Variants in SYNGR1 observed in about 807,000 individuals in gnomAD.
SYNGR1 encodes synaptogyrin-1.
SYNGR1 carries 14 observed loss-of-function variants against 26.1 expected under a neutral mutation model. The ratio of observed to expected loss-of-function variants is 0.54; its 90% CI spans 0.35 to 0.84. The LOEUF (loss-of-function observed/expected upper bound fraction) is 0.84, where lower values mean the gene tolerates loss of function less well. Ranked by LOEUF, SYNGR1 falls within the 40% of genes least tolerant of loss-of-function variation. The pLI, the probability that SYNGR1 is intolerant of heterozygous loss-of-function variation, is 0.01. For missense variants in SYNGR1, 319 were observed against 332.9 expected, an observed-to-expected ratio of 0.96 and a Z score of 0.33; for synonymous variants, 141 against 150.1, an observed-to-expected ratio of 0.94 and a Z score of 0.44.
intron 1 of SYNGR1, among the ~76,000 whole-genome samples, chr22:39,360,373 G>C (rs1924414224): frequency 1.3e-5 from 2 of 152,132 alleles, no homozygotes; most frequent in Non-Finnish European, 2.9e-5. Context: ...ACCGTCTCCA[G>C]GGTTTCTTCT....
intron 1 of SYNGR1, chr22:39,364,275 G>C (rs779646356): frequency 1.9e-6 from 3 of 1,614,042 alleles, no homozygotes; most frequent in African/African-American, 2.7e-5. Flanking sequence ...GGGTGAGCTG[G>C]AGGAGCAGGC....
chr22:39,384,973 G>A lies in SYNGR1; in HGVS notation c.*3059G>A, dbSNP rs1971380012. 1 of 398,744 alleles carries A rather than the reference G, an allele frequency of 2.5e-6. No homozygotes were observed. The highest frequency in any genetic ancestry group is 4.4e-6 in the Non-Finnish European group (1 of 226,144). 24.7% of individuals were successfully genotyped at this position (398,744 alleles called of 1,614,324 possible). A position where few individuals can be genotyped will look rare whatever the true frequency, so the allele number is the denominator to read the frequency against. ...GCACGGCTCCTATCCACCTGGGGGT[G>A]TCGCAGTTGAGGGGCTAATTCCCAG... is the stretch of plus-strand genomic sequence containing the variant. On this transcript the variant is annotated 3_prime_UTR_variant, in exon 4 of 4. Coordinates refer to ENST00000328933, the MANE Select transcript of SYNGR1 (RefSeq NM_004711.5).
chr22:39,360,561 A>G (rs1277588485), intron 1 of SYNGR1, among the ~76,000 whole-genome samples: 1 of 152,032 alleles, frequency 6.6e-6, no homozygotes, highest in Non-Finnish European at 1.5e-5. Flanking sequence ...ACGGCTGCAG[A>G]ATGTGGACGC....
At chr22:39,377,287 G>C (rs1055595113) in intron 3 of SYNGR1, 36 of 985,438 alleles carry the variant, frequency 3.7e-5, no homozygotes, top group Non-Finnish European at 4.0e-5. Context: ...ATTTGGAGGG[G>C]GAGACCCGTG....
At chr22:39,355,117 GT>G (rs1924087109) in intron 1 of SYNGR1, among the ~76,000 whole-genome samples, 2 of 152,220 alleles carry the variant, frequency 1.3e-5, no homozygotes. Context: ...ACAGGATTGA[GT>G]GGGAAGCACT....
In SYNGR1 at chr22:39,350,330, G is replaced by A. The variant is rs1033759275; in HGVS notation, c.99+221G>A. Among the ~76,000 whole-genome samples, 1 of 151,986 alleles carries A rather than the reference G, an allele frequency of 6.6e-6. No homozygotes were observed. Among genetic ancestry groups the A allele is most frequent in the East Asian group, 1.9e-4 (1 of 5,138 alleles). ...TGGTGCTCGCGGGAGACGCCGCTCC[G>A]GCTCCCGGAGCCCTGGTTTCCTGGG... On this transcript the variant is annotated intron_variant, in intron 1 of 3. Transcript: ENST00000328933. This position sits in a 1 kb window ranked among gnomAD's most constrained non-coding sequence, Gnocchi z 4.3.
chr22:39,375,768 C>T, intron 2 of SYNGR1: 1 of 605,878 alleles, frequency 1.7e-6, no homozygotes, highest in Admixed American at 2.9e-5. Flanking sequence ...TCCCTCCATC[C>T]TCCCCTCTCA....
chr22:39,376,579 C>G (rs975558127), intron 3 of SYNGR1, among the ~76,000 whole-genome samples: 1 of 152,222 alleles, frequency 6.6e-6, no homozygotes, highest in African/African-American at 2.4e-5. Context: ...GGAAGCAGCC[C>G]TGCCTAGGAG....
intron 1 of SYNGR1, among the ~76,000 whole-genome samples, chr22:39,356,562 G>A (rs1924152734): frequency 2.0e-5 from 3 of 152,098 alleles, no homozygotes; most frequent in African/African-American, 7.2e-5. Context: ...GCCCCAGGGA[G>A]AAAAAACAGA....
At position 39,381,958 on chromosome 22, in the gene SYNGR1, C is replaced by T; in HGVS notation, c.*44C>T. ...CCCCGCCCCTCCCCATCTGTCCCCT[C>T]TCTCCACACCCAGCCCCTGCTCCTG... On this transcript the variant is annotated 3_prime_UTR_variant, in exon 4 of 4. Coordinates refer to ENST00000328933, the MANE Select transcript of SYNGR1 (RefSeq NM_004711.5). 2 of 1,548,848 alleles carry T rather than the reference C, an allele frequency of 1.3e-6. No homozygotes were observed. The highest frequency in any genetic ancestry group is 1.7e-6 in the Non-Finnish European group (2 of 1,146,546).
At chr22:39,357,618 C>T (rs1042232822) in intron 1 of SYNGR1, among the ~76,000 whole-genome samples, 11 of 145,536 alleles carry the variant, frequency 7.6e-5, no homozygotes, top group Admixed American at 2.1e-4. Flanking sequence ...GCTTGGCGGG[C>T]CCCGCCCTCG....
chr22:39,350,113 A>T lies in SYNGR1; in HGVS notation c.99+4A>T, dbSNP rs756749549. ...CATCCTGCGCGTCGTGTCTTGGGTA[A>T]GGACGGACTGGCCGACGGCTCTGCC... On this transcript the variant is annotated splice_donor_region_variant and intron_variant, in intron 1 of 3. Coordinates refer to ENST00000328933, the MANE Select transcript of SYNGR1 (RefSeq NM_004711.5). The surrounding 1 kb of genome is among the most constrained non-coding windows in gnomAD (Gnocchi z 4.3). 2 of 1,442,668 alleles carry T rather than the reference A, an allele frequency of 1.4e-6. No individual in the cohort carries two copies. The highest frequency in any genetic ancestry group is 2.6e-5 in the South Asian group (2 of 77,076). The allele number at this position is 1,442,668 out of a possible 1,614,324, so 89.4% of individuals were successfully genotyped here.
intron 1 of SYNGR1, among the ~76,000 whole-genome samples, chr22:39,370,082 C>T (rs756013465): frequency 2.4e-4 from 37 of 152,146 alleles, no homozygotes; most frequent in Non-Finnish European, 1.6e-4. Flanking sequence ...ATCCTCCCAC[C>T]TCAGTCCCCC....
chr22:39,351,007 G>A (rs1923882872), intron 1 of SYNGR1, among the ~76,000 whole-genome samples: 1 of 152,184 alleles, frequency 6.6e-6, no homozygotes, highest in Non-Finnish European at 1.5e-5. Context: ...GGGTGGTCAG[G>A]GAGAGGATGG....
At chr22:39,364,154 G>C in intron 1 of SYNGR1, 2 of 1,611,412 alleles carry the variant, frequency 1.2e-6, no homozygotes, top group Non-Finnish European at 1.7e-6. Context: ...TTTGCACTGC[G>C]GGACACGGCT....
intron 1 of SYNGR1, among the ~76,000 whole-genome samples, chr22:39,369,871 GC>G (rs1924939440): frequency 6.6e-6 from 1 of 152,146 alleles, no homozygotes; most frequent in African/African-American, 2.4e-5. Context: ...CCACCTCTGT[GC>G]CCATGGCTGA....
In SYNGR1 at chr22:39,385,064, T is replaced by C; in HGVS notation, c.*3150T>C. 2.5e-6 allele frequency: 1 copy of C among 398,864 alleles called. No individual in the cohort carries two copies. The highest frequency in any genetic ancestry group is 3.5e-5 in the East Asian group (1 of 28,206). 24.7% of individuals were successfully genotyped at this position (398,864 alleles called of 1,614,324 possible). A position where few individuals can be genotyped will look rare whatever the true frequency, so the allele number is the denominator to read the frequency against. ...TTCTTGATCTTCAAAGCCTCGGGGA[T>C]CCCAGGTTTCCCCATGTAACTGAGA... On this transcript the variant is annotated 3_prime_UTR_variant, in exon 4 of 4. Coordinates refer to ENST00000328933, the MANE Select transcript of SYNGR1 (RefSeq NM_004711.5).
chr22:39,361,906 G>T (rs1924490641), intron 1 of SYNGR1, among the ~76,000 whole-genome samples: 2 of 152,126 alleles, frequency 1.3e-5, no homozygotes, highest in South Asian at 4.1e-4. Flanking sequence ...AAGGCCCTGG[G>T]GGGGTACAGG....
At chr22:39,362,449 C>T (rs908040722) in intron 1 of SYNGR1, among the ~76,000 whole-genome samples, 4 of 152,030 alleles carry the variant, frequency 2.6e-5, no homozygotes, top group Non-Finnish European at 5.9e-5. Context: ...CCTCACCTGC[C>T]CCACCCCCAC....
Sources: gnomAD v4.1 joint callset for allele counts (sites outside exome capture counted in the v4.1 genomes callset) on GRCh38, gnomAD v4.1.1 for gene constraint, Gnocchi (gnomAD v3.1) non-coding constraint, MANE v1.5 for transcripts, NCBI Gene and HGNC (gene_info 2026-07-23, HGNC 2026-07-21) for gene names.